Variants in FAM186A observed in about 807,000 individuals in gnomAD.
FAM186A encodes family with sequence similarity 186 member A.
FAM186A carries 163 observed loss-of-function variants against 216.8 expected under a neutral mutation model. The observed-to-expected ratio is 0.75, with a 90% CI of 0.66 to 0.86. The LOEUF (loss-of-function observed/expected upper bound fraction) is 0.86. Ranked by LOEUF, FAM186A falls within the 40% of genes least tolerant of loss-of-function variation. FAM186A has a pLI of 0.00. For missense variants in FAM186A, 2,184 were observed against 2,746.2 expected, an observed-to-expected ratio of 0.80 and a Z score of 4.58; for synonymous variants, 805 against 1,025.3, an observed-to-expected ratio of 0.79 and a Z score of 4.10.
intron 1 of FAM186A, among the ~76,000 whole-genome samples, chr12:50,367,440 C>A (rs1464083017): frequency 6.8e-6 from 1 of 146,356 alleles, no homozygotes; most frequent in African/African-American, 2.5e-5. Flanking sequence ...ATGGCGTGAA[C>A]CTGGGAGGCA....
chr12:50,334,891 T>C (rs1354210449), intron 4 of FAM186A, among the ~76,000 whole-genome samples: 1 of 152,220 alleles, frequency 6.6e-6, no homozygotes, highest in South Asian at 2.1e-4. Flanking sequence ...AAAATCTATA[T>C]GATTATCAAA....
rs764711612 is a variant in FAM186A at position 50,330,762 on chromosome 12, C to T, written c.6849-4G>A. ...CTCTGTCTGGTCCTCTTGTTGCCTA[C>T]AGAATCAGCATAAATTGGGAACGCC... On this transcript the variant is annotated splice_polypyrimidine_tract_variant and splice_region_variant and intron_variant, in intron 6 of 7. Transcript: ENST00000327337. The T allele has an allele frequency of 2.7e-6, 4 of 1,507,776 alleles. No homozygotes were observed. The highest frequency in any genetic ancestry group is 1.8e-6 in the Non-Finnish European group (2 of 1,131,802). The allele number at this position is 1,507,776 out of a possible 1,614,324, so 93.4% of individuals were successfully genotyped here. A position where few individuals can be genotyped will look rare whatever the true frequency, so the allele number is the denominator to read the frequency against.
chr12:50,392,961 C>G (rs1290933843), intron 1 of FAM186A, among the ~76,000 whole-genome samples: 5 of 135,276 alleles, frequency 3.7e-5, no homozygotes, highest in Admixed American at 8.1e-5. Context: ...GAGTCTTGCT[C>G]TGTCACCCAG....
rs577588351 is a variant in FAM186A at position 50,365,791 on chromosome 12, T to TGCCC, written c.193-2431_193-2428dup. 7.3e-4 allele frequency: 552 copies of TGCCC among 757,036 alleles called. 1 individual carries two copies. In the African/African-American group the frequency reaches 8.2e-3, roughly 11 times the overall value. The allele number at this position is 757,036 out of a possible 1,614,324, so 46.9% of individuals were successfully genotyped here. ...AGACAGAAGTACAACATGTGATCCG[T>TGCCC]GCCCATCTGAAAGAATGATGAAGTT... On this transcript the variant is annotated intron_variant, in intron 1 of 7. Transcript: ENST00000327337.
At chr12:50,373,421 T>C (rs1043072374) in intron 1 of FAM186A, among the ~76,000 whole-genome samples, 1 of 151,844 alleles carries the variant, frequency 6.6e-6, no homozygotes, top group African/African-American at 2.4e-5. Flanking sequence ...GAAAAAGAAA[T>C]AATACTAATA....
intron 4 of FAM186A, among the ~76,000 whole-genome samples, chr12:50,341,231 T>A (rs1942760223): frequency 6.6e-6 from 1 of 152,238 alleles, no homozygotes; most frequent in African/African-American, 2.4e-5. Flanking sequence ...TCTACAGAAA[T>A]CTTTATTCAA....
intron 1 of FAM186A, among the ~76,000 whole-genome samples, chr12:50,378,403 G>C (rs1406733810): frequency 6.6e-6 from 1 of 151,602 alleles, no homozygotes; most frequent in Non-Finnish European, 1.5e-5. Context: ...AGTGGCAGGC[G>C]CCTGTAATCC....
intron 1 of FAM186A, among the ~76,000 whole-genome samples, chr12:50,375,377 G>T (rs889126896): frequency 2.6e-5 from 4 of 151,828 alleles, no homozygotes; most frequent in Non-Finnish European, 5.9e-5. Flanking sequence ...GTGAAACCCT[G>T]TCTCGACTAA....
intron 3 of FAM186A, among the ~76,000 whole-genome samples, chr12:50,357,355 A>C (rs1942987840): frequency 6.6e-6 from 1 of 151,954 alleles, no homozygotes; most frequent in Non-Finnish European, 1.5e-5. Context: ...AACAAAAATT[A>C]GCCAGGCGTG....
At chr12:50,382,828 C>A (rs1224331174) in intron 1 of FAM186A, among the ~76,000 whole-genome samples, 3 of 152,146 alleles carry the variant, frequency 2.0e-5, no homozygotes, top group African/African-American at 7.2e-5. Flanking sequence ...TACCTCTGCT[C>A]TTGAAGGAGA....
At chr12:50,350,197 C>T in intron 4 of FAM186A, 132 bp downstream of exon 4, 2 of 797,596 alleles carry the variant, frequency 2.5e-6, no homozygotes, top group Non-Finnish European at 3.8e-6. Context: ...AGCTTCCTTC[C>T]CATAGACCTT....
intron 1 of FAM186A, among the ~76,000 whole-genome samples, chr12:50,379,398 C>T (rs1040489408): frequency 3.4e-5 from 5 of 146,744 alleles, no homozygotes; most frequent in African/African-American, 1.3e-4. Context: ...CAAGATAGTG[C>T]CACGGCACTC....
In FAM186A at chr12:50,354,698, C is replaced by T. The variant is rs1035280073; in HGVS notation, c.2134G>A (p.Gly712Arg). ...LLKRAEAEKL[G>R]IIKAKMEEYF... ...TCCTCCATTTTTGCCTTTATGATTC[C>T]TAATTTTTCAGCTTCTGCTCTTTTT... Residue 712 changes from glycine to arginine, a missense_variant, in exon 4 of 8, where the codon GGA (glycine) becomes AGA (arginine). Gly to Arg is a moderately radical substitution (Grantham distance 125). Around this residue, in one of 7 missense-constraint regions of FAM186A, gnomAD observed 1,132 missense variants for 1,263.4 expected, o/e 0.90. Coordinates refer to ENST00000327337, the MANE Select transcript of FAM186A (RefSeq NM_001145475.3). 4.5e-6 allele frequency: 7 copies of T among 1,548,866 alleles called. No homozygotes were observed. The East Asian group carries it at 7.3e-5, about 16-fold the overall frequency.
In FAM186A at chr12:50,350,461, T is replaced by C. The variant is rs1305613154; in HGVS notation, c.6371A>G (p.Lys2124Arg). Reference sequence around the variant, plus strand: ...TAGCTGTGAAGGGAGTCCACAAGTTTTTATAGCCTGATTTAATAGTATCAG... The same window carrying C: ...TAGCTGTGAAGGGAGTCCACAAGTTCTTATAGCCTGATTTAATAGTATCAG... Reference protein sequence around the residue: ...KNLILLNQAIKTCGLPSQLHT... With the variant: ...KNLILLNQAIRTCGLPSQLHT... The change falls in exon 4 of 8, where the codon AAA becomes AGA. Residue 2124 changes from lysine (K) to arginine (R), a missense_variant. This residue lies in a region of FAM186A where 721 missense variants were observed against 816.4 expected (regional missense o/e 0.88). Coordinates refer to ENST00000327337, the MANE Select transcript of FAM186A (RefSeq NM_001145475.3). 1 of 1,551,582 alleles carries C rather than the reference T, an allele frequency of 6.4e-7. No individual in the cohort carries two copies. Among genetic ancestry groups the C allele is most frequent in the Middle Eastern group, 1.7e-4 (1 of 5,992 alleles).
rs1491450637 is a variant in FAM186A at position 50,372,994 on chromosome 12, G to GGAAAGAAAGAAA, written c.193-9631_193-9630insTTTCTTTCTTTC. ...AGGGACGGAGGGAGGAAGGAAGGAAGGAATGAAAGAAAGAAAGAAAGAAAG... is the reference window on the plus strand; with the variant it reads ...AGGGACGGAGGGAGGAAGGAAGGAAGGAAAGAAAGAAAGAATGAAAGAAAGAAAGAAAGAAAG... On this transcript the variant is annotated intron_variant, in intron 1 of 7. Coordinates refer to ENST00000327337, the MANE Select transcript of FAM186A (RefSeq NM_001145475.3). Among the ~76,000 whole-genome samples the GGAAAGAAAGAAA allele has an allele frequency of 4.0e-3, 236 of 59,524 alleles. 45 individuals are homozygous for GGAAAGAAAGAAA. The highest frequency in any genetic ancestry group is 7.5e-3 in the East Asian group (19 of 2,538). The allele number at this position is 59,524 out of a possible 152,430, so 39.1% of individuals were successfully genotyped here.
chr12:50,375,485 G>T (rs369010179), intron 1 of FAM186A, among the ~76,000 whole-genome samples: 12 of 150,860 alleles, frequency 8.0e-5, no homozygotes, highest in African/African-American at 2.9e-4. Flanking sequence ...GGAGGCAGAG[G>T]TTGCAGCGAG....
In FAM186A at chr12:50,351,616, G is replaced by A; in HGVS notation, c.5216C>T (p.Ser1739Phe). ...AGCAGTAGGAGCTGATGATGCCAGG[G>A]ACAGCCTAAGACTTGGAGACAATCT... is the stretch of plus-strand genomic sequence containing the variant. Reference protein sequence around the residue: ...ISRLSPSLRLSLASSAPTAEK... With the variant: ...ISRLSPSLRLFLASSAPTAEK... The change falls in exon 4 of 8, where the codon TCC becomes TTC. Residue 1739 changes from serine (S) to phenylalanine (F), a missense_variant. This residue lies in a region of FAM186A where 721 missense variants were observed against 816.4 expected (regional missense o/e 0.88). Coordinates refer to ENST00000327337, the MANE Select transcript of FAM186A (RefSeq NM_001145475.3). The A allele has an allele frequency of 1.9e-6, 3 of 1,551,572 alleles. No homozygotes were observed. The highest frequency in any genetic ancestry group is 2.6e-6 in the Non-Finnish European group (3 of 1,146,876).
intron 4 of FAM186A, among the ~76,000 whole-genome samples, chr12:50,349,978 T>C (rs187543898): frequency 6.6e-6 from 1 of 152,238 alleles, no homozygotes; most frequent in Non-Finnish European, 1.5e-5. Flanking sequence ...CCATCTCCCA[T>C]TTTAAAAATC....
At chr12:50,365,021 A>G (rs1289428882) in intron 1 of FAM186A, among the ~76,000 whole-genome samples, 1 of 122,948 alleles carries the variant, frequency 8.1e-6, no homozygotes, top group Non-Finnish European at 1.6e-5. Context: ...CTGGGCAACA[A>G]GAGTGAAACT....
Sources: allele counts gnomAD v4.1 joint callset (sites outside exome capture counted in the v4.1 genomes callset), GRCh38; gene constraint gnomAD v4.1.1; regional missense constraint gnomAD v4.1.1; transcripts MANE v1.5; gene names NCBI Gene and HGNC (gene_info 2026-07-23, HGNC 2026-07-21).